The following EIF3B variants were observed in gnomAD, a reference collection of about 807,000 sequenced individuals.
EIF3B encodes eukaryotic translation initiation factor 3 subunit 9.
Under a neutral mutation model 104.6 loss-of-function variants are expected in EIF3B, and 10 were observed. The ratio of observed to expected loss-of-function variants is 0.10; its 90% confidence interval spans 0.06 to 0.16. The LOEUF (loss-of-function observed/expected upper bound fraction) is 0.16, where lower values mean the gene tolerates loss of function less well. Ranked by LOEUF, EIF3B falls within the 10% of genes least tolerant of loss-of-function variation. The pLI is 1.00. For missense variants in EIF3B, 1,014 were observed against 1,087.9 expected, an observed-to-expected ratio of 0.93 and a Z score of 0.96; for synonymous variants, 542 against 417.2, an observed-to-expected ratio of 1.30 and a Z score of -3.65.
chr7:2,375,721 C>T (rs965889582), intron 14 of EIF3B, among the ~76,000 whole-genome samples, 194 bp downstream of exon 14: 5 of 152,128 alleles, frequency 3.3e-5, no homozygotes, highest in African/African-American at 1.2e-4. Flanking sequence ...AGTGCAGGAG[C>T]AGCCCCTGCT....
In EIF3B at chr7:2,369,897, T is replaced by G. The variant is rs138806399; in HGVS notation, c.1614+215T>G. The stretch of plus-strand genomic sequence containing the variant: ...TTTCAAATGATTCTTCTGCCTCAGC[T>G]TCCCAAGTAGCTGGGACTATAGGCG... On this transcript the variant is annotated intron_variant, in intron 10 of 18. Transcript: ENST00000360876. 2.3e-3 allele frequency among the ~76,000 whole-genome samples: 336 copies of G among 144,770 alleles called. 1 individual carries two copies. Among genetic ancestry groups the G allele is most frequent in the Non-Finnish European group, 3.1e-3 (204 of 66,840 alleles). The allele number at this position is 144,770 out of a possible 152,430, so 95.0% of individuals were successfully genotyped here. A position where few individuals can be genotyped will look rare whatever the true frequency, so the allele number is the denominator to read the frequency against.
chr7:2,362,865 G>A (rs896322206), intron 3 of EIF3B, 101 bp downstream of exon 3: 6 of 1,552,948 alleles, frequency 3.9e-6, no homozygotes, highest in Non-Finnish European at 5.3e-6. Flanking sequence ...CTGTCAGATT[G>A]TTCACATCCT....
chr7:2,376,892 G>C, intron 14 of EIF3B, 58 bp from the exon 15 acceptor site: 1 of 1,575,266 alleles, frequency 6.3e-7, no homozygotes, highest in Non-Finnish European at 8.7e-7. Context: ...AAGTGACATA[G>C]TCACGGTTGT....
chr7:2,354,913 G>T lies in EIF3B; in HGVS notation c.-9G>T. 2 of 1,218,730 alleles carry T rather than the reference G, an allele frequency of 1.6e-6. No individual in the cohort carries two copies. Among genetic ancestry groups the T allele is most frequent in the Non-Finnish European group, 2.1e-6 (2 of 972,992 alleles). 75.5% of individuals were successfully genotyped at this position (1,218,730 alleles called of 1,614,324 possible). A position where few individuals can be genotyped will look rare whatever the true frequency, so the allele number is the denominator to read the frequency against. On this transcript the variant is annotated 5_prime_UTR_variant, in exon 1 of 19. Transcript: ENST00000360876. ...CCGCGGAGCCCTGCGAGTAGGCAGC[G>T]TTGGGCCCATGCAGGACGCGGAGAA... is the stretch of plus-strand genomic sequence containing the variant.
At chr7:2,359,318 G>A (rs966781520) in intron 1 of EIF3B, among the ~76,000 whole-genome samples, 2 of 152,046 alleles carry the variant, frequency 1.3e-5, no homozygotes, top group Admixed American at 6.6e-5. Flanking sequence ...TTAGAGGGTG[G>A]GACCTTTTAG....
intron 15 of EIF3B, 59 bp downstream of exon 15, chr7:2,377,134 G>T: frequency 2.6e-6 from 4 of 1,540,744 alleles, no homozygotes; most frequent in Non-Finnish European, 2.6e-6. Flanking sequence ...GCGTTGAAAA[G>T]GTGTCAGTTT....
At chr7:2,377,108 C>A (rs1293416441) in intron 15 of EIF3B, 33 bp downstream of exon 15, 2 of 1,576,442 alleles carry the variant, frequency 1.3e-6, no homozygotes, top group Admixed American at 1.8e-5. Flanking sequence ...GTGCAGGGCA[C>A]ATGGAGGCAA....
At chr7:2,361,665 C>T (rs926606830) in intron 2 of EIF3B, among the ~76,000 whole-genome samples, 11 of 152,270 alleles carry the variant, frequency 7.2e-5, no homozygotes, top group Admixed American at 2.0e-4. Context: ...GTGATCCACC[C>T]GCCTCGGCCT....
rs539396583 is a variant in EIF3B, at chr7:2,365,334, C to G, written c.1157+805C>G. Reference sequence around the variant, plus strand: ...GTTGTGGGAGGCAGTGTGAGGCGAGCTGGGGCCACTCTAGGGAAAGGGACA... The same window carrying G: ...GTTGTGGGAGGCAGTGTGAGGCGAGGTGGGGCCACTCTAGGGAAAGGGACA... On this transcript the variant is annotated intron_variant, in intron 6 of 18. Transcript: ENST00000360876. Among the ~76,000 whole-genome samples, 11 of 152,154 alleles carry G rather than the reference C, an allele frequency of 7.2e-5. No homozygotes were observed. In the East Asian group the frequency reaches 2.1e-3, roughly 29 times the overall value.
chr7:2,364,060 G>T (rs991756213), intron 5 of EIF3B, among the ~76,000 whole-genome samples: 3 of 152,136 alleles, frequency 2.0e-5, no homozygotes, highest in African/African-American at 7.2e-5. Flanking sequence ...AGGAGATTGA[G>T]ACCATCCTGG....
intron 14 of EIF3B, chr7:2,376,332 TA>T (rs35412534): frequency 0.46 from 57,474 of 125,294 alleles, 13,057 homozygotes; most frequent in East Asian, 0.69. Context: ...CTAGCCCCAT[TA>T]AAAAAAAAAA....
Position 2,378,700 on chromosome 7 carries a change from G to T in EIF3B, c.2166G>T (p.Lys722Asn), listed in dbSNP as rs1353402683. 1 of 1,613,708 alleles carries T rather than the reference G, an allele frequency of 6.2e-7. No individual in the cohort carries two copies. Among genetic ancestry groups the T allele is most frequent in the Non-Finnish European group, 8.5e-7 (1 of 1,179,784 alleles). The change falls in exon 16 of 19, where the codon AAG (lysine) becomes AAT (asparagine). Residue 722 changes from lysine (K) to asparagine (N), a missense_variant. Physicochemically the swap from Lys to Asn is moderately conservative, Grantham distance 94. Coordinates refer to ENST00000360876, the MANE Select transcript of EIF3B (RefSeq NM_001037283.2). ...LSQEQIKQIK[K>N]DLKKYSKIFE... ...GTCTTTTGTTTCAGCAAATTAAAAA[G>T]GATCTGAAGAAATACTCTAAGATCT...
At chr7:2,370,875 G>A (rs1325951044) in intron 10 of EIF3B, among the ~76,000 whole-genome samples, 1 of 152,040 alleles carries the variant, frequency 6.6e-6, no homozygotes, top group Non-Finnish European at 1.5e-5. Flanking sequence ...GAGATCGAGG[G>A]TTTAGTAGAA....
chr7:2,366,975 G>T (rs769543680), intron 8 of EIF3B, 24 bp from the exon 9 acceptor site: 4 of 1,609,360 alleles, frequency 2.5e-6, no homozygotes, highest in Non-Finnish European at 3.4e-6. Context: ...TGACTCAACT[G>T]CAGCCTTCCT....
chr7:2,366,308 C>T lies in EIF3B; in HGVS notation c.1158-9C>T, dbSNP rs755665780. ...GAGGATAGTGTACAGTGTTGCCCTT[C>T]TCTTCTAGGTACCTGGTGACCTTTA... On this transcript the variant is annotated splice_polypyrimidine_tract_variant and intron_variant, in intron 6 of 18. Transcript: ENST00000360876. 6.3e-7 allele frequency: 1 copy of T among 1,597,022 alleles called. No homozygotes were observed. Among genetic ancestry groups the T allele is most frequent in the Non-Finnish European group, 8.5e-7 (1 of 1,172,660 alleles).
chr7:2,360,362 C>T (rs1033001797), intron 1 of EIF3B, among the ~76,000 whole-genome samples: 1 of 152,232 alleles, frequency 6.6e-6, no homozygotes, highest in Non-Finnish European at 1.5e-5. Flanking sequence ...ATCTAGGCAT[C>T]TCTGGAAGAT....
chr7:2,354,661 C>T (rs2301942), upstream of EIF3B, among the ~76,000 whole-genome samples: 65,160 of 152,090 alleles, frequency 0.43, 15,687 homozygotes, highest in East Asian at 0.57. Flanking sequence ...ACAGAAACAA[C>T]CTTGCTGAAT....
At chr7:2,365,839 C>CT (rs1412522640) in intron 6 of EIF3B, among the ~76,000 whole-genome samples, 2 of 152,070 alleles carry the variant, frequency 1.3e-5, no homozygotes, top group Non-Finnish European at 2.9e-5. Flanking sequence ...CCACGCCCGG[C>CT]TAATTTTTGT....
chr7:2,369,247 A>G (rs1780190855), intron 9 of EIF3B, among the ~76,000 whole-genome samples: 1 of 152,188 alleles, frequency 6.6e-6, no homozygotes, highest in Non-Finnish European at 1.5e-5. Context: ...TTCTGTCTGC[A>G]TTCACTCCTT....
Sources: allele counts gnomAD v4.1 joint callset (sites outside exome capture counted in the v4.1 genomes callset), GRCh38; gene constraint gnomAD v4.1.1; transcripts MANE v1.5; gene names NCBI Gene and HGNC (gene_info 2026-07-23, HGNC 2026-07-21).